Variants in DEPTOR observed in about 807,000 individuals in gnomAD.
DEPTOR encodes DEP domain containing MTOR interacting protein.
Under a neutral mutation model 41.6 loss-of-function variants are expected in DEPTOR, and 41 were observed. The observed-to-expected ratio is 0.98, with a 90% CI of 0.77 to 1.28. DEPTOR has a LOEUF of 1.28. Ranked by LOEUF, DEPTOR falls within the 50% of genes most tolerant of loss-of-function variation. The pLI is 0.00. For synonymous variants in DEPTOR, 195 were observed against 192.3 expected, an observed-to-expected ratio of 1.01 and a Z score of -0.12; for missense variants, 514 against 527.9, an observed-to-expected ratio of 0.97 and a Z score of 0.26.
intron 4 of DEPTOR, among the ~76,000 whole-genome samples, chr8:119,991,108 C>CTTTCTTTCTTTTTTTT (rs1812166470): frequency 1.5e-5 from 1 of 66,664 alleles, no homozygotes; most frequent in African/African-American, 6.0e-5. Flanking sequence ...TTCTTTCTTT[C>CTTTCTTTCTTTTTTTT]TTTCTTTCTT....
intron 8 of DEPTOR, among the ~76,000 whole-genome samples, chr8:120,044,219 A>G (rs1254740112): frequency 6.6e-6 from 1 of 151,728 alleles, no homozygotes; most frequent in African/African-American, 2.4e-5. Context: ...TCCACCTCCC[A>G]GGTTCAAGTG....
At chr8:119,881,457 GAGGTTGC>G (rs1474004012) in intron 1 of DEPTOR, among the ~76,000 whole-genome samples, 2 of 151,872 alleles carry the variant, frequency 1.3e-5, no homozygotes, top group Non-Finnish European at 2.9e-5. Context: ...CAGGAAGGCA[GAGGTTGC>G]AGTGAGCTGA....
At chr8:119,903,987 G>C (rs1167324190) in intron 1 of DEPTOR, among the ~76,000 whole-genome samples, 2 of 152,062 alleles carry the variant, frequency 1.3e-5, no homozygotes, top group African/African-American at 2.4e-5. Flanking sequence ...GGGGCCAGGA[G>C]TTGCTATTCT....
At chr8:119,965,481 C>G (rs750048092) in intron 4 of DEPTOR, 71 bp downstream of exon 4, 2 of 1,532,326 alleles carry the variant, frequency 1.3e-6, no homozygotes, top group Admixed American at 2.0e-5. Flanking sequence ...TACAACAACA[C>G]GTACTTATTT....
Position 120,013,101 on chromosome 8 carries a change from G to A in DEPTOR, c.1101+3968G>A, listed in dbSNP as rs536871313. Among the ~76,000 whole-genome samples, 38 of 149,142 alleles carry A rather than the reference G, an allele frequency of 2.5e-4. No individual in the cohort carries two copies. The East Asian group carries it at 7.5e-3, about 30-fold the overall frequency. On this transcript the variant is annotated intron_variant, in intron 8 of 8. Coordinates refer to ENST00000286234, the MANE Select transcript of DEPTOR (RefSeq NM_022783.4). ...GAACCCGGGAGGCAGAGGTTGTAGT[G>A]AGCCAAGATTGCACCATTGCACTCC...
At position 119,929,933 on chromosome 8, in the gene DEPTOR, T is replaced by C. The variant is rs769879920; in HGVS notation, c.420T>C (p.Tyr140=). The part of the protein sequence containing the change: ...VKAFMRGQRL[Y]EKLMSPENTL... ...CCTTTATGAGAGGACAGAGGCTATA[T>C]GAAAAGTATGTTCCGCATGAAATCC... The change falls in exon 3 of 9, where the codon TAT becomes TAC. Residue 140 remains tyrosine (Y), a synonymous_variant. Transcript: ENST00000286234. 7 of 1,611,534 alleles carry C rather than the reference T, an allele frequency of 4.3e-6. No individual in the cohort carries two copies. Among genetic ancestry groups the C allele is most frequent in the African/African-American group, 2.7e-5 (2 of 74,892 alleles).
intron 1 of DEPTOR, among the ~76,000 whole-genome samples, chr8:119,901,434 T>C (rs999883346): frequency 8.5e-5 from 13 of 152,192 alleles, no homozygotes; most frequent in Middle Eastern, 3.4e-3. Flanking sequence ...CCCTGCACTT[T>C]GGGAGGCTGA....
In DEPTOR at chr8:119,946,947, A is replaced by G. The variant is rs182636719; in HGVS notation, c.425+17009A>G. 9.6e-4 allele frequency among the ~76,000 whole-genome samples: 146 copies of G among 152,236 alleles called. 1 individual carries two copies. Among genetic ancestry groups the G allele is most frequent in the African/African-American group, 3.4e-3 (140 of 41,556 alleles). On this transcript the variant is annotated intron_variant, in intron 3 of 8. Transcript: ENST00000286234. Reference sequence around the variant, plus strand: ...ATGCCTGGAATTTGTTATTCTGGCCAGTTCAGACTGTCATCCAGCCTCTGC... The same window carrying G: ...ATGCCTGGAATTTGTTATTCTGGCCGGTTCAGACTGTCATCCAGCCTCTGC...
At chr8:119,880,203 A>G (rs1030069316) in intron 1 of DEPTOR, among the ~76,000 whole-genome samples, 1 of 151,152 alleles carries the variant, frequency 6.6e-6, no homozygotes, top group Non-Finnish European at 1.5e-5. Flanking sequence ...GCCCAACAAT[A>G]TCACTATTCT....
At chr8:119,998,914 C>A (rs1812306929) in intron 4 of DEPTOR, among the ~76,000 whole-genome samples, 1 of 149,858 alleles carries the variant, frequency 6.7e-6, no homozygotes, top group Non-Finnish European at 1.5e-5. Flanking sequence ...CTTCCTAATA[C>A]CTTTGGACTT....
At chr8:119,901,446 G>C (rs1827588721) in intron 1 of DEPTOR, among the ~76,000 whole-genome samples, 1 of 152,094 alleles carries the variant, frequency 6.6e-6, no homozygotes, top group Admixed American at 6.5e-5. Flanking sequence ...GGAGGCTGAG[G>C]TGGGCGGATC....
intron 3 of DEPTOR, among the ~76,000 whole-genome samples, chr8:119,957,333 A>T (rs1000525347): frequency 2.0e-5 from 3 of 152,160 alleles, no homozygotes; most frequent in African/African-American, 7.2e-5. Flanking sequence ...TCTGGTCTCA[A>T]AAAGCTTCTA....
intron 3 of DEPTOR, among the ~76,000 whole-genome samples, chr8:119,931,966 T>A (rs1586620872): frequency 8.7e-6 from 1 of 115,192 alleles, no homozygotes; most frequent in African/African-American, 3.3e-5. Flanking sequence ...AAGATTATTA[T>A]TATTATTATT....
At chr8:120,038,499 G>A (rs1238417448) in intron 8 of DEPTOR, among the ~76,000 whole-genome samples, 1 of 150,892 alleles carries the variant, frequency 6.6e-6, no homozygotes, top group African/African-American at 2.4e-5. Context: ...GCTGAGGTGG[G>A]AGGATATAGC....
intron 6 of DEPTOR, among the ~76,000 whole-genome samples, chr8:120,005,751 A>G (rs1012185194): frequency 6.6e-6 from 1 of 152,000 alleles, no homozygotes; most frequent in African/African-American, 2.4e-5. Flanking sequence ...CACAGGATGG[A>G]TGGGGGGGTT....
intron 3 of DEPTOR, among the ~76,000 whole-genome samples, chr8:119,953,207 CT>C (rs1828375328): frequency 6.6e-6 from 1 of 152,106 alleles, no homozygotes; most frequent in African/African-American, 2.4e-5. Flanking sequence ...ACATAGGAAC[CT>C]TTAAAATGAA....
chr8:120,001,604 G>A lies in DEPTOR; in HGVS notation c.684G>A (p.Met228Ile), dbSNP rs755848969. The A allele has an allele frequency of 1.9e-6, 3 of 1,613,902 alleles. No individual in the cohort carries two copies. Among genetic ancestry groups the A allele is most frequent in the Non-Finnish European group, 2.5e-6 (3 of 1,179,944 alleles). ...RMNFRRRRRL[M>I]ELLNEKSPSS... is the part of the protein sequence containing the mutation. The stretch of plus-strand genomic sequence containing the variant: ...ACTTCCGGCGGAGGCGAAGACTGAT[G>A]GAGCTGCTCAATGAAAAGTCCCCCT... The change falls in exon 5 of 9, where the codon ATG becomes ATA. Residue 228 changes from methionine (M) to isoleucine (I), a missense_variant. By Grantham distance (10) the Met-to-Ile change is conservative. Transcript: ENST00000286234.
chr8:120,045,124 G>A (rs192818118), intron 8 of DEPTOR, among the ~76,000 whole-genome samples: 7 of 152,280 alleles, frequency 4.6e-5, no homozygotes, highest in Admixed American at 3.9e-4. Context: ...AAGTAAGAAG[G>A]TTTGTGTGAA....
intron 8 of DEPTOR, among the ~76,000 whole-genome samples, chr8:120,027,150 G>A (rs1394487128): frequency 3.3e-5 from 5 of 151,706 alleles, no homozygotes; most frequent in Admixed American, 6.6e-5. Context: ...CCCGGGAGAC[G>A]GAGGTTGCGG....
Sources: allele counts gnomAD v4.1 joint callset (sites outside exome capture counted in the v4.1 genomes callset), GRCh38; gene constraint gnomAD v4.1.1; transcripts MANE v1.5; gene names NCBI Gene and HGNC (gene_info 2026-07-23, HGNC 2026-07-21).